The following KPNA7 variants were observed in gnomAD, a reference collection of about 807,000 sequenced individuals.
KPNA7 encodes the protein importin subunit alpha-8.
Under a neutral mutation model 53.7 loss-of-function variants are expected in KPNA7, and 54 were observed. The observed-to-expected ratio is 1.01, with a 90% CI of 0.81 to 1.26. The LOEUF is 1.26. Among genes scored for constraint, KPNA7 ranks in the 50% most tolerant of loss-of-function variants. The probability of loss-of-function intolerance (pLI) is 0.00; values close to 1 mark genes in which losing one functional copy is unlikely to be tolerated. For missense variants in KPNA7, 640 were observed against 644.5 expected (o/e 0.99, Z 0.07); for synonymous variants, 276 against 259.3 (o/e 1.06, Z -0.62).
chr7:99,206,026 A>G (rs918068588), intron 2 of KPNA7, among the ~76,000 whole-genome samples: 3 of 152,172 alleles, frequency 2.0e-5, no homozygotes, highest in South Asian at 2.1e-4. Flanking sequence ...TCCTATTTCT[A>G]CAAGGCATGC....
chr7:99,175,521 A>AT (rs1554459768), intron 10 of KPNA7, among the ~76,000 whole-genome samples: 3 of 76,996 alleles, frequency 3.9e-5, no homozygotes, highest in South Asian at 6.9e-4. Flanking sequence ...TTATTTATTT[A>AT]TTATTTATTT....
At chr7:99,189,009 A>C (rs1033272933) in intron 6 of KPNA7, among the ~76,000 whole-genome samples, 1 of 152,150 alleles carries the variant, frequency 6.6e-6, no homozygotes, top group East Asian at 1.9e-4. Context: ...CTTCAAATAG[A>C]AATGTGTTCT....
intron 1 of KPNA7, among the ~76,000 whole-genome samples, chr7:99,219,353 G>A (rs553847321): frequency 6.6e-6 from 1 of 152,266 alleles, no homozygotes; most frequent in East Asian, 1.9e-4. Context: ...AGGTTGAGTG[G>A]CCTCTTCCTA....
chr7:99,158,646 G>A, the KPNA7 span, among the ~76,000 whole-genome samples: 1 of 152,008 alleles, frequency 6.6e-6, no homozygotes, highest in South Asian at 2.1e-4. Flanking sequence ...TGGGACTGTA[G>A]GTGTGCACCA....
At chr7:99,205,868 G>A (rs1386625134) in intron 2 of KPNA7, among the ~76,000 whole-genome samples, 1 of 152,126 alleles carries the variant, frequency 6.6e-6, no homozygotes, top group Non-Finnish European at 1.5e-5. Context: ...AAAAGATACA[G>A]AGATGGAGGA....
chr7:99,145,961 A>C, the KPNA7 span, among the ~76,000 whole-genome samples: 1 of 152,184 alleles, frequency 6.6e-6, no homozygotes, highest in African/African-American at 2.4e-5. Flanking sequence ...GCAATGTTTA[A>C]GCAATAGCAG....
At chr7:99,160,017 G>GTTT in the KPNA7 span, among the ~76,000 whole-genome samples, 1,173 of 67,476 alleles carry the variant, frequency 0.017, 116 homozygotes, top group African/African-American at 0.05. Flanking sequence ...TGTTGTTTTT[G>GTTT]TTTTTTTTTT....
intron 3 of KPNA7, among the ~76,000 whole-genome samples, chr7:99,197,283 A>G (rs1790275496): frequency 6.6e-6 from 1 of 152,216 alleles, no homozygotes; most frequent in African/African-American, 2.4e-5. Flanking sequence ...TGCAGCAGCC[A>G]CACATCACAA....
At position 99,177,955 on chromosome 7, in the gene KPNA7, A is replaced by G. The variant is rs868010816; in HGVS notation, c.1429T>C (p.Ser477Pro). Reference protein sequence around the residue: ...QLHENRQIGQSALNIIEKHFG... With the variant: ...QLHENRQIGQPALNIIEKHFG... ...TGCTTCTCGATGATGTTCAAAGCCG[A>G]CTGGCCAATTTGACGGTTCTCATGC... Residue 477 changes from serine to proline, a missense_variant, in exon 10 of 11, where the codon TCG (serine) becomes CCG (proline). By Grantham distance (74) the Ser-to-Pro change is moderately conservative (BLOSUM62 -1). Transcript: ENST00000327442. 1.3e-6 allele frequency: 2 copies of G among 1,552,044 alleles called. No individual in the cohort carries two copies. Among genetic ancestry groups the G allele is most frequent in the Middle Eastern group, 1.7e-4 (1 of 5,998 alleles).
chr7:99,192,921 A>G lies in KPNA7; in HGVS notation c.636+98T>C, dbSNP rs1790028474. 10 of 839,832 alleles carry G rather than the reference A, an allele frequency of 1.2e-5. 1 individual carries two copies. In the South Asian group the frequency reaches 2.1e-4, roughly 17 times the overall value. The allele number at this position is 839,832 out of a possible 1,614,324, so 52.0% of individuals were successfully genotyped here. On this transcript the variant is annotated intron_variant, in intron 6 of 10. Coordinates refer to ENST00000327442, the MANE Select transcript of KPNA7 (RefSeq NM_001145715.3). ...GAGGATTGCTTGAAGCCAGGAGTTC[A>G]AGACCAGCCTGGGCAGAATGGTGAG...
At chr7:99,160,984 C>T in the KPNA7 span, among the ~76,000 whole-genome samples, 62 of 152,104 alleles carry the variant, frequency 4.1e-4, no homozygotes, top group Admixed American at 6.6e-4. Flanking sequence ...CCTCAGCCTC[C>T]CGAGTAGCTG....
chr7:99,152,895 T>C, the KPNA7 span, among the ~76,000 whole-genome samples: 1 of 152,248 alleles, frequency 6.6e-6, no homozygotes, highest in Non-Finnish European at 1.5e-5. Flanking sequence ...AAAACAGTTT[T>C]ATTTTTCACT....
chr7:99,216,589 T>C (rs919488721), intron 1 of KPNA7, among the ~76,000 whole-genome samples: 3 of 151,894 alleles, frequency 2.0e-5, no homozygotes, highest in Admixed American at 2.0e-4. Flanking sequence ...TGAGATGGAG[T>C]CTGGCTCTGT....
the KPNA7 span, among the ~76,000 whole-genome samples, chr7:99,152,299 T>C: frequency 6.6e-6 from 1 of 150,988 alleles, no homozygotes; most frequent in African/African-American, 2.4e-5. Flanking sequence ...GAGGCAGAAG[T>C]TGCCGTGAGA....
intron 5 of KPNA7, among the ~76,000 whole-genome samples, chr7:99,193,912 A>C (rs1790094035): frequency 6.6e-6 from 1 of 152,150 alleles, no homozygotes; most frequent in Non-Finnish European, 1.5e-5. Flanking sequence ...TCCTGGGCTC[A>C]AGCCATCCTC....
intron 9 of KPNA7, among the ~76,000 whole-genome samples, chr7:99,180,743 G>C (rs575296129): frequency 2.8e-5 from 1 of 36,086 alleles, no homozygotes; most frequent in African/African-American, 1.4e-4. Flanking sequence ...CTCTCTCCCC[G>C]TGTCTCTCTC....
chr7:99,155,355 T>A, the KPNA7 span, among the ~76,000 whole-genome samples: 1,744 of 152,314 alleles, frequency 0.011, 37 homozygotes, highest in African/African-American at 0.04. Flanking sequence ...ATATCAAGGA[T>A]GACAATGGTC....
the KPNA7 span, among the ~76,000 whole-genome samples, chr7:99,160,034 T>TG: frequency 7.0e-6 from 1 of 143,706 alleles, no homozygotes; most frequent in Non-Finnish European, 1.5e-5. Context: ...TTTTTTTTTT[T>TG]TTTTTTTTGA....
the KPNA7 span, among the ~76,000 whole-genome samples, chr7:99,148,251 T>G: frequency 6.6e-6 from 1 of 152,348 alleles, no homozygotes; most frequent in South Asian, 2.1e-4. Flanking sequence ...GTGTCCTCTT[T>G]GCAATGGCTT....
Sources: gnomAD v4.1 joint callset for allele counts (sites outside exome capture counted in the v4.1 genomes callset) on GRCh38, gnomAD v4.1.1 for gene constraint, MANE v1.5 for transcripts, NCBI Gene and HGNC (gene_info 2026-07-23, HGNC 2026-07-21) for gene names.